HAL: variants seen among roughly 807,000 people sequenced by gnomAD.
HAL encodes histidase.
A neutral mutation model predicts 81.1 loss-of-function variants in HAL; 85 were observed. That is an observed-to-expected ratio of 1.05 (90% CI 0.88 to 1.25). The LOEUF (loss-of-function observed/expected upper bound fraction) is 1.25, where lower values mean the gene tolerates loss of function less well. Ranked by LOEUF, HAL falls within the 50% of genes most tolerant of loss-of-function variation. The pLI is 0.00. For synonymous variants in HAL, 301 were observed against 309.2 expected (o/e 0.97, Z 0.28); for missense variants, 798 against 836.6 (o/e 0.95, Z 0.57).
rs1565990133 is a variant in HAL, at chr12:95,986,171, TGAA to T, written c.1052-14_1052-12del. Reference sequence around the variant, plus strand: ...GAAGAGCATGAATGTCTAGAATTGATGAAGGAGAAAAAGTCTGAATAATTCCAT... The same window carrying T: ...GAAGAGCATGAATGTCTAGAATTGATGGAGAAAAAGTCTGAATAATTCCAT... On this transcript the variant is annotated splice_polypyrimidine_tract_variant and intron_variant, in intron 12 of 20. Transcript: ENST00000261208. 2 of 1,477,250 alleles carry T rather than the reference TGAA, an allele frequency of 1.4e-6. No individual in the cohort carries two copies. The highest frequency in any genetic ancestry group is 2.3e-5 in the East Asian group (1 of 44,228). The allele number at this position is 1,477,250 out of a possible 1,614,324, so 91.5% of individuals were successfully genotyped here.
chr12:95,995,864 G>A lies in HAL; in HGVS notation c.47C>T (p.Pro16Leu), dbSNP rs188894951. The A allele has an allele frequency of 3.7e-6, 6 of 1,608,224 alleles. No homozygotes were observed. The highest frequency in any genetic ancestry group is 3.3e-5 in the South Asian group (3 of 91,072). ...VHVRGEWLAV[P>L]CQDAQLTVGW... ...CACAGTGAGCTGCGCGTCCTGGCAG[G>A]GCACTGCCAGCCATTCCCCACGTAC... Residue 16 changes from proline (P) to leucine (L), a missense_variant, in exon 2 of 21, where the codon CCC (proline) becomes CTC (leucine). Pro to Leu is a moderately conservative substitution (Grantham distance 98, BLOSUM62 -3). Coordinates refer to ENST00000261208, the MANE Select transcript of HAL (RefSeq NM_002108.4).
chr12:95,975,127 G>A (rs1402000020), intron 20 of HAL, among the ~76,000 whole-genome samples: 1 of 152,224 alleles, frequency 6.6e-6, no homozygotes, highest in African/African-American at 2.4e-5. Context: ...TGCCACAGGT[G>A]CTCTGTTCCT....
Position 95,976,691 on chromosome 12 carries a change from A to C in HAL, c.1670T>G (p.Leu557Arg). ...EHVEQVLAIELLAACQGIEFL... is the reference protein window; with the variant it reads ...EHVEQVLAIERLAACQGIEFL... ...CTCTATGCCCTGGCAGGCTGCAAGGAGCTCGATGGCCAGCACTGAAACAAG... is the reference window on the plus strand; with the variant it reads ...CTCTATGCCCTGGCAGGCTGCAAGGCGCTCGATGGCCAGCACTGAAACAAG... The change falls in exon 19 of 21, where the codon CTC becomes CGC. Residue 557 changes from leucine (L) to arginine (R), a missense_variant. Leu to Arg is a moderately radical substitution (Grantham distance 102). Transcript: ENST00000261208. 4 of 1,607,980 alleles carry C rather than the reference A, an allele frequency of 2.5e-6. No homozygotes were observed. The highest frequency in any genetic ancestry group is 3.4e-6 in the Non-Finnish European group (4 of 1,174,434).
intron 17 of HAL, among the ~76,000 whole-genome samples, chr12:95,978,742 G>A (rs903349913): frequency 6.6e-6 from 1 of 152,112 alleles, no homozygotes; most frequent in African/African-American, 2.4e-5. Context: ...GTTGGTCTGA[G>A]GACTACACTA....
rs886049901 is a variant in HAL at position 95,980,622 on chromosome 12, A to G, written c.1453T>C (p.Phe485Leu). The change falls in exon 17 of 21, where the codon TTC becomes CTC. Residue 485 changes from phenylalanine to leucine, a missense_variant. Transcript: ENST00000261208. ...TTCAGACCACCTTCAGCCACCAGGA[A>G]GGCAGGCAGCTCACTGAGGGAGGGA... ...CNPSLSELPA[F>L]LVAEGGLNSG... The G allele has an allele frequency of 6.2e-7, 1 of 1,614,064 alleles. No individual in the cohort carries two copies. Among genetic ancestry groups the G allele is most frequent in the East Asian group, 2.2e-5 (1 of 44,884 alleles).
rs145495731 is a variant in HAL, at chr12:95,980,609, T to G, written c.1466A>C (p.Glu489Ala). 3.0e-4 allele frequency: 481 copies of G among 1,613,970 alleles called. No individual in the cohort carries two copies. The highest frequency in any genetic ancestry group is 3.9e-4 in the Non-Finnish European group (464 of 1,179,998). Residue 489 changes from glutamate to alanine, a missense_variant, in exon 17 of 21, where the codon GAA becomes GCA. Glu to Ala is a moderately radical substitution (Grantham distance 107). Coordinates refer to ENST00000261208, the MANE Select transcript of HAL (RefSeq NM_002108.4). ...LSELPAFLVAEGGLNSGFMIA... is the reference protein window; with the variant it reads ...LSELPAFLVAAGGLNSGFMIA... Reference sequence around the variant, plus strand: ...CATGAACCCAGAGTTCAGACCACCTTCAGCCACCAGGAAGGCAGGCAGCTC... The same window carrying G: ...CATGAACCCAGAGTTCAGACCACCTGCAGCCACCAGGAAGGCAGGCAGCTC...
chr12:95,978,421 C>T (rs994808977), intron 17 of HAL, among the ~76,000 whole-genome samples: 12 of 152,240 alleles, frequency 7.9e-5, no homozygotes, highest in African/African-American at 2.2e-4. Context: ...AGGTACTTGA[C>T]GTCAATTTGG....
chr12:95,976,886 T>C (rs562311494), intron 18 of HAL, among the ~76,000 whole-genome samples, 180 bp from the exon 19 acceptor site: 2 of 152,302 alleles, frequency 1.3e-5, no homozygotes, highest in South Asian at 2.1e-4. Flanking sequence ...TTCTAACCCC[T>C]TGACTATATC....
intron 20 of HAL, among the ~76,000 whole-genome samples, chr12:95,975,506 G>A (rs1216055970): frequency 6.6e-6 from 1 of 150,680 alleles, no homozygotes; most frequent in Non-Finnish European, 1.5e-5. Flanking sequence ...AGCAAGACCC[G>A]CATCTCTAAA....
chr12:95,990,183 C>T, intron 10 of HAL: 1 of 623,344 alleles, frequency 1.6e-6, no homozygotes, highest in South Asian at 1.8e-5. Flanking sequence ...AGGTGATGAC[C>T]AAACCCAGAA....
At chr12:95,995,281 A>G in intron 2 of HAL, 1 of 570,154 alleles carries the variant, frequency 1.8e-6, no homozygotes, top group Non-Finnish European at 3.1e-6. Context: ...AACTGATGCT[A>G]TGCTGCCGGC....
chr12:95,995,311 G>A (rs1247654563), intron 2 of HAL: 1 of 561,078 alleles, frequency 1.8e-6, no homozygotes. Flanking sequence ...GGGGGTGGGG[G>A]TGGATTCTTT....
chr12:95,994,026 A>G (rs1950003296), intron 5 of HAL, 28 bp from the exon 6 acceptor site: 1 of 1,598,044 alleles, frequency 6.3e-7, no homozygotes, highest in South Asian at 1.1e-5. Context: ...AGAACTGAGC[A>G]CGTTAAAGAC....
Position 95,995,854 on chromosome 12 carries a change from G to A in HAL, c.57C>T (p.Asp19=), listed in dbSNP as rs778792728. ...CCAGCCAGCCCACAGTGAGCTGCGCGTCCTGGCAGGGCACTGCCAGCCATT... is the reference window on the plus strand; with the variant it reads ...CCAGCCAGCCCACAGTGAGCTGCGCATCCTGGCAGGGCACTGCCAGCCATT... ...RGEWLAVPCQ[D]AQLTVGWLGR... is the part of the protein sequence containing the mutation. Residue 19 remains aspartate (D), a synonymous_variant, in exon 2 of 21, where the codon GAC becomes GAT. Transcript: ENST00000261208. 5 of 1,609,654 alleles carry A rather than the reference G, an allele frequency of 3.1e-6. No homozygotes were observed. Among genetic ancestry groups the A allele is most frequent in the East Asian group, 2.2e-5 (1 of 44,870 alleles).
rs2080781157 is a variant in HAL at position 95,980,701 on chromosome 12, A to G, written c.1374T>C (p.Ile458=). The stretch of plus-strand genomic sequence containing the variant: ...TGATTGCAGCAAGTTCATGGATGCC[A>G]ATGGCCAAGTAGTCTAGGGCCTGAA... The part of the protein sequence containing the change: ...YPAKALDYLA[I]GIHELAAISE... The change falls in exon 17 of 21, where the codon ATT becomes ATC. Residue 458 remains isoleucine, a synonymous_variant. Coordinates refer to ENST00000261208, the MANE Select transcript of HAL (RefSeq NM_002108.4). 6.2e-7 allele frequency: 1 copy of G among 1,613,920 alleles called. No individual in the cohort carries two copies. The highest frequency in any genetic ancestry group is 1.3e-5 in the African/African-American group (1 of 74,924).
At chr12:95,979,356 A>G (rs2080764090) in intron 17 of HAL, among the ~76,000 whole-genome samples, 1 of 152,328 alleles carries the variant, frequency 6.6e-6, no homozygotes, top group African/African-American at 2.4e-5. Flanking sequence ...TGGGAATAAT[A>G]TTAATAGCAA....
chr12:95,986,228 T>A, intron 12 of HAL, 68 bp from the exon 13 acceptor site: 1 of 928,100 alleles, frequency 1.1e-6, no homozygotes. Flanking sequence ...GATGGGGGTC[T>A]CACTACGTTC....
intron 18 of HAL, among the ~76,000 whole-genome samples, chr12:95,977,660 A>AAAAG (rs1428660803): frequency 3.3e-5 from 5 of 150,954 alleles, no homozygotes; most frequent in Admixed American, 2.0e-4. Flanking sequence ...AAAAAAAAAA[A>AAAAG]AGAGAAAAAA....
chr12:95,992,322 A>T (rs1241704041), intron 9 of HAL, among the ~76,000 whole-genome samples: 1 of 152,212 alleles, frequency 6.6e-6, no homozygotes, highest in African/African-American at 2.4e-5. Flanking sequence ...GGCCTTTGGG[A>T]TGGACATTGA....
Sources: allele counts gnomAD v4.1 joint callset (sites outside exome capture counted in the v4.1 genomes callset), GRCh38; gene constraint gnomAD v4.1.1; transcripts MANE v1.5; gene names NCBI Gene and HGNC (gene_info 2026-07-23, HGNC 2026-07-21).